CUL5: variants seen among roughly 807,000 people sequenced by gnomAD.
CUL5 encodes the protein cullin-5.
Under a neutral mutation model 108.8 loss-of-function variants are expected in CUL5, and 26 were observed. The observed-to-expected ratio is 0.24, with a 90% CI of 0.18 to 0.33. The LOEUF is 0.33. Among genes scored for constraint, CUL5 ranks in the 10% least tolerant of loss-of-function variants. The pLI is 1.00. For synonymous variants in CUL5, 334 were observed against 298.0 expected (o/e 1.12, Z -1.25); for missense variants, 524 against 909.2 (o/e 0.58, Z 5.45).
chr11:108,017,192 C>T (rs1052390824), intron 1 of CUL5, among the ~76,000 whole-genome samples: 2 of 151,866 alleles, frequency 1.3e-5, no homozygotes, highest in African/African-American at 2.4e-5. Flanking sequence ...AATTTTAGCC[C>T]ACCCTGAACA....
intron 2 of CUL5, among the ~76,000 whole-genome samples, chr11:108,040,842 T>G (rs1470147096): frequency 6.6e-6 from 1 of 151,986 alleles, no homozygotes; most frequent in Non-Finnish European, 1.5e-5. Context: ...AAGTAACTGG[T>G]GATTGAGAAA....
At chr11:108,064,055 G>C (rs1488593678) in intron 7 of CUL5, among the ~76,000 whole-genome samples, 4 of 152,084 alleles carry the variant, frequency 2.6e-5, no homozygotes, top group Admixed American at 2.6e-4. Context: ...ACAACTTCCA[G>C]TATTATTTTG....
intron 1 of CUL5, among the ~76,000 whole-genome samples, chr11:108,028,081 A>C (rs1862494098): frequency 1.3e-5 from 2 of 152,184 alleles, no homozygotes; most frequent in African/African-American, 4.8e-5. Flanking sequence ...CAGGTTTTAA[A>C]ACCCATCTGT....
chr11:108,026,176 T>G (rs1053681551), intron 1 of CUL5, among the ~76,000 whole-genome samples: 1 of 152,246 alleles, frequency 6.6e-6, no homozygotes, highest in Admixed American at 6.5e-5. Flanking sequence ...CTTGTTCTGC[T>G]TGGGAAAAGT....
At chr11:108,047,013 C>T (rs1174555287) in intron 3 of CUL5, among the ~76,000 whole-genome samples, 1 of 152,030 alleles carries the variant, frequency 6.6e-6, no homozygotes, top group South Asian at 2.1e-4. Flanking sequence ...AGATTATTTT[C>T]CTTTCTATAA....
At chr11:108,023,231 A>G (rs1422698521) in intron 1 of CUL5, among the ~76,000 whole-genome samples, 1 of 152,266 alleles carries the variant, frequency 6.6e-6, no homozygotes, top group Non-Finnish European at 1.5e-5. Context: ...CCTGGGCAAC[A>G]AACAAAACTC....
intron 11 of CUL5, among the ~76,000 whole-genome samples, chr11:108,081,815 G>A (rs1006114794): frequency 1.8e-4 from 28 of 152,136 alleles, no homozygotes; most frequent in African/African-American, 5.6e-4. Context: ...CAGTTCTATT[G>A]GTTTATATAT....
At chr11:108,089,448 G>C (rs769627030) in intron 12 of CUL5, 44 bp from the exon 13 acceptor site, 1 of 1,433,202 alleles carries the variant, frequency 7.0e-7, no homozygotes, top group Non-Finnish European at 9.4e-7. Flanking sequence ...TCGAGAGATG[G>C]TAAGAGTATA....
intron 17 of CUL5, 85 bp from the exon 18 acceptor site, chr11:108,098,321 A>T: frequency 8.2e-7 from 1 of 1,222,052 alleles, no homozygotes; most frequent in South Asian, 1.6e-5. Flanking sequence ...CATATTTTTA[A>T]ATCTTTTCTC....
At position 108,080,289 on chromosome 11, in the gene CUL5, G is replaced by C. The variant is rs1864045771; in HGVS notation, c.1178+2049G>C. On this transcript the variant is annotated intron_variant, in intron 11 of 18. Transcript: ENST00000393094. ...TTTCTTTTAGAGATGAGGTCTTGCTGCGTTGCTCAGGCTGGTGTCGAACTC... is the reference window on the plus strand; with the variant it reads ...TTTCTTTTAGAGATGAGGTCTTGCTCCGTTGCTCAGGCTGGTGTCGAACTC... Among the ~76,000 whole-genome samples, 3 of 151,976 alleles carry C rather than the reference G, an allele frequency of 2.0e-5. No homozygotes were observed. In the South Asian group the frequency reaches 6.2e-4, roughly 32 times the overall value.
intron 7 of CUL5, among the ~76,000 whole-genome samples, chr11:108,062,402 A>G: frequency 6.6e-6 from 1 of 152,026 alleles, no homozygotes; most frequent in Non-Finnish European, 1.5e-5. Context: ...TTGTTTATCC[A>G]TATCGTTGCT....
chr11:108,078,247 T>C lies in CUL5; in HGVS notation c.1178+7T>C. 3 of 1,515,970 alleles carry C rather than the reference T, an allele frequency of 2.0e-6. No individual in the cohort carries two copies. Among genetic ancestry groups the C allele is most frequent in the Non-Finnish European group, 2.7e-6 (3 of 1,108,568 alleles). 93.9% of individuals were successfully genotyped at this position (1,515,970 alleles called of 1,614,324 possible). A position where few individuals can be genotyped will look rare whatever the true frequency, so the allele number is the denominator to read the frequency against. ...TACCTTTGAAGCAGAAGGGGTAAGTTTTTTAAAACCATACTTTAAAAATAC... is the reference window on the plus strand; with the variant it reads ...TACCTTTGAAGCAGAAGGGGTAAGTCTTTTAAAACCATACTTTAAAAATAC... On this transcript the variant is annotated splice_region_variant and intron_variant, in intron 11 of 18. Transcript: ENST00000393094.
chr11:108,027,738 AC>A (rs1862486705), intron 1 of CUL5, among the ~76,000 whole-genome samples: 1 of 151,290 alleles, frequency 6.6e-6, no homozygotes, highest in Non-Finnish European at 1.5e-5. Flanking sequence ...TCTTCATTCC[AC>A]TCTAATCTGG....
At chr11:108,009,447 G>A in intron 1 of CUL5, 75 bp downstream of exon 1, 1 of 1,518,672 alleles carries the variant, frequency 6.6e-7, no homozygotes, top group East Asian at 2.3e-5. Context: ...CACGGCTCAG[G>A]TTCAGCTGCG....
Position 108,054,619 on chromosome 11 carries a change from G to A in CUL5, c.554-28G>A, listed in dbSNP as rs771315306. 18 of 1,439,332 alleles carry A rather than the reference G, an allele frequency of 1.3e-5. No individual in the cohort carries two copies. The South Asian group carries it at 2.1e-4, about 17-fold the overall frequency. 89.2% of individuals were successfully genotyped at this position (1,439,332 alleles called of 1,614,324 possible). A position where few individuals can be genotyped will look rare whatever the true frequency, so the allele number is the denominator to read the frequency against. On this transcript the variant is annotated intron_variant, in intron 5 of 18. Transcript: ENST00000393094. ...AAAATACTGATTTTGATCATAATTG[G>A]AGTAATACTTTATTTTCTGTTTTTC...
chr11:108,067,950 C>T (rs1486358135), intron 7 of CUL5, among the ~76,000 whole-genome samples: 6 of 151,476 alleles, frequency 4.0e-5, no homozygotes, highest in African/African-American at 9.7e-5. Context: ...TTTTTTGAGA[C>T]GGAGTTTTGC....
At chr11:108,019,716 A>G (rs1862283444) in intron 1 of CUL5, among the ~76,000 whole-genome samples, 1 of 152,096 alleles carries the variant, frequency 6.6e-6, no homozygotes, top group Non-Finnish European at 1.5e-5. Flanking sequence ...GGATAATAGG[A>G]TAATAAAATT....
At position 108,056,429 on chromosome 11, in the gene CUL5, G is replaced by A. The variant is rs532211559; in HGVS notation, c.780+1474G>A. Among the ~76,000 whole-genome samples the A allele has an allele frequency of 2.6e-5, 4 of 152,160 alleles. No individual in the cohort carries two copies. The East Asian group carries it at 7.7e-4, about 29-fold the overall frequency. On this transcript the variant is annotated intron_variant, in intron 7 of 18. Transcript: ENST00000393094. The stretch of plus-strand genomic sequence containing the variant: ...TTATTCTTTGTTCAGAAATCACACC[G>A]AGTTGGATGTCTTTTCCCTTTGGTT...
chr11:108,070,235 A>G (rs1863786032), intron 8 of CUL5, 46 bp downstream of exon 8: 5 of 1,386,384 alleles, frequency 3.6e-6, no homozygotes, highest in Non-Finnish European at 5.1e-6. Flanking sequence ...CTAAGAGGGT[A>G]TCTTTGAAAC....
Sources: gnomAD v4.1 joint callset for allele counts (sites outside exome capture counted in the v4.1 genomes callset) on GRCh38, gnomAD v4.1.1 for gene constraint, MANE v1.5 for transcripts, NCBI Gene and HGNC (gene_info 2026-07-23, HGNC 2026-07-21) for gene names.